Variants in SLC14A2 observed in about 807,000 individuals in gnomAD.
SLC14A2 encodes urea transporter 2.
In SLC14A2, 91 loss-of-function variants were observed where a neutral mutation model predicts 104.6. The observed-to-expected ratio is 0.87, with a 90% confidence interval of 0.73 to 1.04. The LOEUF (loss-of-function observed/expected upper bound fraction) is 1.04, where lower values mean the gene tolerates loss of function less well. Ranked by LOEUF, SLC14A2 falls within the 50% of genes least tolerant of loss-of-function variation. The pLI is 0.00. For synonymous variants in SLC14A2, 476 were observed against 466.4 expected (o/e 1.02, Z -0.27); for missense variants, 1,189 against 1,156.0 (o/e 1.03, Z -0.41).
At chr18:45,211,430 T>A (rs2083960504), upstream of SLC14A2, among the ~76,000 whole-genome samples, 1 of 152,212 alleles carries the variant, frequency 6.6e-6, no homozygotes, top group Non-Finnish European at 1.5e-5. Context: ...GCAAGGCAGG[T>A]ATTTCAAATT....
intron 2 of SLC14A2, among the ~76,000 whole-genome samples, chr18:45,556,519 C>A (rs549766293): frequency 6.6e-6 from 1 of 152,152 alleles, no homozygotes; most frequent in Non-Finnish European, 1.5e-5. Context: ...TCTGGGTTCT[C>A]GGCCTACTTC....
At chr18:45,192,636 G>GTTTTTTTTTTTGTTTTGTTTT in the SLC14A2 span, among the ~76,000 whole-genome samples, 149 of 112,816 alleles carry the variant, frequency 1.3e-3, no homozygotes, top group South Asian at 0.01. Flanking sequence ...GTGTGTGTGT[G>GTTTTTTTTTTTGTTTTGTTTT]GTTTTTTTTT....
chr18:45,175,943 TTAAAC>T, the SLC14A2 span, among the ~76,000 whole-genome samples: 1 of 152,186 alleles, frequency 6.6e-6, no homozygotes, highest in African/African-American at 2.4e-5. Flanking sequence ...AATAAAATTT[TTAAAC>T]TATACCATAC....
intron 4 of SLC14A2, among the ~76,000 whole-genome samples, chr18:45,628,847 C>G (rs181371398): frequency 9.1e-4 from 139 of 152,250 alleles, no homozygotes; most frequent in African/African-American, 3.2e-3. Context: ...GCATTTCTTA[C>G]AGTGGGTTTC....
chr18:45,507,599 A>C (rs2043305817), intron 2 of SLC14A2, among the ~76,000 whole-genome samples: 1 of 152,214 alleles, frequency 6.6e-6, no homozygotes, highest in Admixed American at 6.5e-5. Flanking sequence ...CTCAGTGGGC[A>C]TACAATCTGA....
chr18:45,497,559 C>T (rs1344339339), intron 2 of SLC14A2, among the ~76,000 whole-genome samples: 2 of 152,210 alleles, frequency 1.3e-5, no homozygotes, highest in South Asian at 4.1e-4. Flanking sequence ...TCTCTGTTGA[C>T]ACCTGGCTTT....
chr18:45,370,286 C>T (rs979176701), intron 1 of SLC14A2, among the ~76,000 whole-genome samples: 1 of 152,056 alleles, frequency 6.6e-6, no homozygotes, highest in Admixed American at 6.6e-5. Context: ...CCCAAGAGAC[C>T]CCAGAAGGAG....
intron 2 of SLC14A2, among the ~76,000 whole-genome samples, chr18:45,594,069 A>AATTTG (rs944013699): frequency 3.3e-5 from 5 of 152,262 alleles, no homozygotes; most frequent in African/African-American, 1.2e-4. Flanking sequence ...ACTTTTTAAA[A>AATTTG]ATTTGATTTG....
exon 2 of SLC14A2, chr18:45,483,319 A>G (rs2087533080): frequency 6.6e-6 from 1 of 152,232 alleles, no homozygotes; most frequent in African/African-American, 2.4e-5. Flanking sequence ...TGACCAAGGA[A>G]ACTGTGAGTA....
rs149707994 is a variant in SLC14A2, at chr18:45,500,632, A to C, written c.-35+17310A>C. 4.9e-3 allele frequency among the ~76,000 whole-genome samples: 736 copies of C among 150,826 alleles called. 1 individual carries two copies. The highest frequency in any genetic ancestry group is 0.017 in the African/African-American group (695 of 41,264). ...CCTTATCCTGACGCATGAGTGTGTT[A>C]GTAATCTCTAGCAGGTTTCCAGTTC... is the stretch of plus-strand genomic sequence containing the variant. On this transcript the variant is annotated intron_variant, in intron 2 of 20. Transcript: ENST00000586448.
chr18:45,187,036 TTC>T, the SLC14A2 span, among the ~76,000 whole-genome samples: 1 of 152,156 alleles, frequency 6.6e-6, no homozygotes, highest in East Asian at 1.9e-4. Context: ...TTAGATGGTT[TTC>T]AGAAATTACT....
chr18:45,608,826 G>A (rs1398735719), intron 2 of SLC14A2, among the ~76,000 whole-genome samples: 2 of 152,166 alleles, frequency 1.3e-5, no homozygotes, highest in Admixed American at 6.5e-5. Flanking sequence ...AGCTCATTTT[G>A]TAAATCTGGT....
At chr18:45,223,197 A>G (rs1315157445) in intron 1 of SLC14A2, among the ~76,000 whole-genome samples, 1 of 152,208 alleles carries the variant, frequency 6.6e-6, no homozygotes, top group Non-Finnish European at 1.5e-5. Flanking sequence ...CAAAGTCACA[A>G]GATGGTAACT....
At chr18:45,628,409 A>G (rs1027931954) in intron 4 of SLC14A2, among the ~76,000 whole-genome samples, 8 of 146,850 alleles carry the variant, frequency 5.4e-5, no homozygotes, top group Non-Finnish European at 8.9e-5. Flanking sequence ...GCACCACTAC[A>G]CTCCAGCCTG....
At chr18:45,313,120 C>A (rs554883510) in intron 1 of SLC14A2, among the ~76,000 whole-genome samples, 6 of 152,216 alleles carry the variant, frequency 3.9e-5, no homozygotes, top group African/African-American at 1.4e-4. Context: ...GGAGCTTTCA[C>A]TGGGGCAAAT....
chr18:45,311,694 G>A (rs986015653), intron 1 of SLC14A2, among the ~76,000 whole-genome samples: 2 of 152,330 alleles, frequency 1.3e-5, no homozygotes, highest in African/African-American at 4.8e-5. Context: ...TTGATTGACA[G>A]CCACTGCATC....
chr18:45,577,919 G>A (rs778456247), intron 2 of SLC14A2, among the ~76,000 whole-genome samples: 2 of 152,142 alleles, frequency 1.3e-5, no homozygotes, highest in Non-Finnish European at 2.9e-5. Context: ...ATTCTTTGGG[G>A]AGTAATGAGA....
Position 45,683,379 on chromosome 18 carries a change from A to G in SLC14A2, c.*860A>G, listed in dbSNP as rs2046342350. The G allele has an allele frequency of 6.6e-6, 1 of 152,192 alleles. No homozygotes were observed. Among genetic ancestry groups the G allele is most frequent in the Non-Finnish European group, 1.5e-5 (1 of 68,046 alleles). The allele number at this position is 152,192 out of a possible 1,614,324, so 9.4% of individuals were successfully genotyped here. A position where few individuals can be genotyped will look rare whatever the true frequency, so the allele number is the denominator to read the frequency against. Reference sequence around the variant, plus strand: ...TGTTGATTATTCTCTCTCTCCTATAATCTGATGAAATCAGCATGACAACAA... The same window carrying G: ...TGTTGATTATTCTCTCTCTCCTATAGTCTGATGAAATCAGCATGACAACAA... On this transcript the variant is annotated 3_prime_UTR_variant, in exon 20 of 20. Coordinates refer to ENST00000255226, the MANE Select transcript of SLC14A2 (RefSeq NM_007163.4).
chr18:45,396,303 T>C (rs1287837955), intron 1 of SLC14A2, among the ~76,000 whole-genome samples: 1 of 152,182 alleles, frequency 6.6e-6, no homozygotes, highest in Admixed American at 6.5e-5. Context: ...ATACAAGCTA[T>C]TGGTAAAATA....
Sources: gnomAD v4.1 joint callset for allele counts (sites outside exome capture counted in the v4.1 genomes callset) on GRCh38, gnomAD v4.1.1 for gene constraint, MANE v1.5 for transcripts, NCBI Gene and HGNC (gene_info 2026-07-23, HGNC 2026-07-21) for gene names.